Variants in MYO16 observed in about 807,000 individuals in gnomAD.
The protein encoded by MYO16 is unconventional myosin-XVI.
In MYO16, 94 loss-of-function variants were observed where a neutral mutation model predicts 205.3. That is an observed-to-expected ratio of 0.46 (90% confidence interval 0.39 to 0.54). The LOEUF (loss-of-function observed/expected upper bound fraction) is 0.54. Ranked by LOEUF, MYO16 falls within the 20% of genes least tolerant of loss-of-function variation. The probability of loss-of-function intolerance (pLI) is 0.00; values close to 1 mark genes in which losing one functional copy is unlikely to be tolerated. For synonymous variants in MYO16, 988 were observed against 954.0 expected, an observed-to-expected ratio of 1.04 and a Z score of -0.66; for missense variants, 2,315 against 2,387.5, an observed-to-expected ratio of 0.97 and a Z score of 0.63.
intron 1 of MYO16, among the ~76,000 whole-genome samples, chr13:108,648,606 T>C (rs1463561389): frequency 6.6e-6 from 1 of 151,514 alleles, no homozygotes; most frequent in African/African-American, 2.4e-5. Flanking sequence ...ATACAAAATA[T>C]AAACTCTTGT....
intron 32 of MYO16, among the ~76,000 whole-genome samples, chr13:109,159,644 G>C (rs1286609346): frequency 6.6e-6 from 1 of 152,254 alleles, no homozygotes; most frequent in Non-Finnish European, 1.5e-5. Flanking sequence ...CATGCAGTGA[G>C]AAGGACTGTG....
chr13:109,095,724 A>T (rs1888754936), intron 27 of MYO16, among the ~76,000 whole-genome samples: 2 of 152,222 alleles, frequency 1.3e-5, no homozygotes, highest in African/African-American at 4.8e-5. Context: ...ATTATGAGAG[A>T]GAATTAAAAA....
At chr13:109,022,881 T>TA (rs1886133954) in intron 23 of MYO16, among the ~76,000 whole-genome samples, 1 of 130,810 alleles carries the variant, frequency 7.6e-6, no homozygotes, top group Non-Finnish European at 1.6e-5. Context: ...ATGTATATAT[T>TA]TATTATATAT....
chr13:108,810,490 A>C (rs894699573), intron 7 of MYO16, among the ~76,000 whole-genome samples: 2 of 152,246 alleles, frequency 1.3e-5, no homozygotes, highest in African/African-American at 4.8e-5. Context: ...TGATAATAGA[A>C]GATTTTCAGT....
chr13:109,196,424 C>T (rs979218702), intron 34 of MYO16, among the ~76,000 whole-genome samples: 1 of 152,240 alleles, frequency 6.6e-6, no homozygotes, highest in Admixed American at 6.5e-5. Flanking sequence ...GGGTGAGTAT[C>T]CCAACCCATA....
At chr13:108,917,871 A>G (rs936950896) in intron 16 of MYO16, among the ~76,000 whole-genome samples, 2 of 152,364 alleles carry the variant, frequency 1.3e-5, no homozygotes, top group South Asian at 2.1e-4. Flanking sequence ...TCTGAAGCTA[A>G]TAACAGCTGT....
At chr13:108,617,133 C>T (rs900637683) in intron 1 of MYO16, among the ~76,000 whole-genome samples, 1 of 152,078 alleles carries the variant, frequency 6.6e-6, no homozygotes, top group Non-Finnish European at 1.5e-5. Context: ...CCATTTTCTT[C>T]AGGTTTTTGT....
In MYO16 at chr13:108,752,808, A is replaced by ATC. The variant is rs751233713; in HGVS notation, c.507+25226_507+25227insCT. On this transcript the variant is annotated intron_variant, in intron 4 of 34. Transcript: ENST00000457511. ...AGACACCTGCCACCGTGCCCAGCTA[A>ATC]TTTTTTTTTTTTTTTTTTTTTTTTT... Among the ~76,000 whole-genome samples, 164 of 90,576 alleles carry ATC rather than the reference A, an allele frequency of 1.8e-3. 30 individuals carry two copies. The highest frequency in any genetic ancestry group is 3.7e-3 in the African/African-American group (90 of 24,470). 59.4% of individuals were successfully genotyped at this position (90,576 alleles called of 152,430 possible). A position where few individuals can be genotyped will look rare whatever the true frequency, so the allele number is the denominator to read the frequency against.
chr13:108,621,713 A>G (rs913825299), intron 1 of MYO16, among the ~76,000 whole-genome samples: 1 of 152,060 alleles, frequency 6.6e-6, no homozygotes, highest in East Asian at 1.9e-4. Flanking sequence ...GCTCCATACC[A>G]ATGCCTACGT....
Position 109,055,371 on chromosome 13 carries a change from G to GT in MYO16, c.3130-17dup, listed in dbSNP as rs1170918674. 3.2e-6 allele frequency: 5 copies of GT among 1,582,522 alleles called. No individual in the cohort carries two copies. The Admixed American group carries it at 8.5e-5, about 27-fold the overall frequency. On this transcript the variant is annotated intron_variant, in intron 26 of 34. Transcript: ENST00000457511. The surrounding 1 kb of genome is among the most constrained non-coding windows in gnomAD (Gnocchi z 5.0). ...GTGTCTCCTTTGGAGAATCAGTTGG[G>GT]TTCTACTTCTCTCCTTAGAAATCAC...
At chr13:108,631,799 C>T (rs978988135) in intron 1 of MYO16, among the ~76,000 whole-genome samples, 3 of 152,080 alleles carry the variant, frequency 2.0e-5, no homozygotes, top group African/African-American at 7.2e-5. Context: ...AGAAGAAGGC[C>T]GGGCGTGATG....
intron 1 of MYO16, among the ~76,000 whole-genome samples, chr13:108,648,292 G>A (rs1880844743): frequency 6.6e-6 from 1 of 152,138 alleles, no homozygotes. Context: ...CATATCCCAG[G>A]AGGAGAAGCA....
chr13:108,988,008 A>G (rs967364578), intron 20 of MYO16, among the ~76,000 whole-genome samples: 2 of 152,244 alleles, frequency 1.3e-5, no homozygotes, highest in South Asian at 4.1e-4. Flanking sequence ...ATGTCAATGC[A>G]AGCTGACAGT....
intron 3 of MYO16, among the ~76,000 whole-genome samples, chr13:108,721,959 A>G (rs946402080): frequency 6.6e-6 from 1 of 152,198 alleles, no homozygotes; most frequent in African/African-American, 2.4e-5. Flanking sequence ...CATCACAGGC[A>G]GGTTACCCAT....
At chr13:108,686,611 G>T (rs1242664397) in intron 2 of MYO16, among the ~76,000 whole-genome samples, 1 of 152,200 alleles carries the variant, frequency 6.6e-6, no homozygotes, top group South Asian at 2.1e-4. Context: ...GACAGGCAAT[G>T]ATCGTTCCTA....
At chr13:108,701,817 G>T (rs982560197) in intron 2 of MYO16, among the ~76,000 whole-genome samples, 1 of 152,014 alleles carries the variant, frequency 6.6e-6, no homozygotes, top group Non-Finnish European at 1.5e-5. Flanking sequence ...TGTCTAAATC[G>T]CTAAAGGAAA....
the MYO16 span, among the ~76,000 whole-genome samples, chr13:108,506,833 A>G: frequency 1.9e-3 from 290 of 152,260 alleles, no homozygotes; most frequent in Middle Eastern, 0.02. Context: ...GCCTTTTCAT[A>G]TATGACCTTT....
intron 2 of MYO16, among the ~76,000 whole-genome samples, chr13:108,676,403 G>GTGTGTGTT (rs143639000): frequency 0.014 from 2,121 of 148,280 alleles, 22 homozygotes; most frequent in East Asian, 0.025. Context: ...GTGTGTGTGT[G>GTGTGTGTT]TGTGCCAGCC....
At chr13:108,705,013 T>G (rs79312320) in intron 2 of MYO16, among the ~76,000 whole-genome samples, 1 of 151,450 alleles carries the variant, frequency 6.6e-6, no homozygotes, top group African/African-American at 2.4e-5. Flanking sequence ...TGAAAGAAGA[T>G]ACAATAGTGC....
Sources: gnomAD v4.1 joint callset for allele counts (sites outside exome capture counted in the v4.1 genomes callset) on GRCh38, gnomAD v4.1.1 for gene constraint, Gnocchi (gnomAD v3.1) non-coding constraint, MANE v1.5 for transcripts, NCBI Gene and HGNC (gene_info 2026-07-23, HGNC 2026-07-21) for gene names.